CDH17: variants seen among roughly 807,000 people sequenced by gnomAD.
The protein encoded by CDH17 is cadherin 17.
Under a neutral mutation model 86.3 loss-of-function variants are expected in CDH17, and 67 were observed. The ratio of observed to expected loss-of-function variants is 0.78; its 90% confidence interval spans 0.64 to 0.95. CDH17 has a LOEUF of 0.95. Ranked by LOEUF, CDH17 falls within the 40% of genes least tolerant of loss-of-function variation. The pLI is 0.00. For missense variants in CDH17, 993 were observed against 1,017.6 expected (o/e 0.98, Z 0.33); for synonymous variants, 367 against 366.4 (o/e 1.00, Z -0.02).
chr8:94,179,878 G>T lies in CDH17; in HGVS notation c.151-2157C>A, dbSNP rs528244553. ...AGAAAGATATATGATTTCTAGAGTT[G>T]CCACATCACATTATTTAAAATGTTT... On this transcript the variant is annotated intron_variant, in intron 3 of 17. Coordinates refer to ENST00000027335, the MANE Select transcript of CDH17 (RefSeq NM_004063.4). 5.3e-5 allele frequency among the ~76,000 whole-genome samples: 8 copies of T among 152,218 alleles called. No individual in the cohort carries two copies. In the South Asian group the frequency reaches 1.7e-3, roughly 32 times the overall value.
chr8:94,189,315 CT>C (rs1813641718), intron 2 of CDH17, 30 bp from the exon 3 acceptor site: 2 of 1,502,664 alleles, frequency 1.3e-6, no homozygotes, highest in Non-Finnish European at 1.8e-6. Context: ...AAATTAGCAT[CT>C]TGTATGAAGT....
Position 94,165,955 on chromosome 8 carries a change from G to T in CDH17, c.1088C>A (p.Thr363Asn), listed in dbSNP as rs1344947174. 1 of 1,612,948 alleles carries T rather than the reference G, an allele frequency of 6.2e-7. No individual in the cohort carries two copies. The highest frequency in any genetic ancestry group is 1.1e-5 in the South Asian group (1 of 91,034). Residue 363 changes from threonine to asparagine, a missense_variant, in exon 10 of 18, where the codon ACT (threonine) becomes AAT (asparagine). Transcript: ENST00000027335. Reference protein sequence around the residue: ...ERLGNSIGTLTAHDRDEENTA... With the variant: ...ERLGNSIGTLNAHDRDEENTA... ...ATTTTCTTCATCCCTGTCATGTGCA[G>T]TAAGGGTCCCGATACTGTTACCTAT...
In CDH17 at chr8:94,189,285, C is replaced by T. The variant is rs370041892; in HGVS notation, c.52G>A (p.Ala18Thr). ...HSLCLLMLYL[A>T]TGYGQEGKFS... is the part of the protein sequence containing the mutation. ...TTCCCCTCTTGGCCATATCCAGTTG[C>T]CTGTTAAAAAAGAAAGAGAAAATTA... is the stretch of plus-strand genomic sequence containing the variant. The change falls in exon 3 of 18, where the codon GCA (alanine) becomes ACA (threonine). Residue 18 changes from alanine to threonine, a missense_variant and splice_region_variant. By Grantham distance (58) the Ala-to-Thr change is moderately conservative (BLOSUM62 0). Coordinates refer to ENST00000027335, the MANE Select transcript of CDH17 (RefSeq NM_004063.4). 6.3e-7 allele frequency: 1 copy of T among 1,597,318 alleles called. No individual in the cohort carries two copies. The highest frequency in any genetic ancestry group is 8.5e-7 in the Non-Finnish European group (1 of 1,174,724).
rs569902832 is a variant in CDH17, at chr8:94,158,178, T to C, written c.1551+1793A>G. On this transcript the variant is annotated intron_variant, in intron 12 of 17. Transcript: ENST00000027335. The stretch of plus-strand genomic sequence containing the variant: ...ATAATTGTATATGGGACAGAATTCA[T>C]TTATTCATTAAGTCAAGCAATATTT... 2.7e-4 allele frequency among the ~76,000 whole-genome samples: 41 copies of C among 152,286 alleles called. No homozygotes were observed. In the South Asian group the frequency reaches 8.1e-3, roughly 30 times the overall value.
At position 94,174,177 on chromosome 8, in the gene CDH17, G is replaced by A; in HGVS notation, c.508C>T (p.Gln170Ter). The change falls in exon 6 of 18, where the codon CAG (glutamine) becomes TAG (stop). Residue 170 changes from glutamine (Q) to a stop codon, truncating the protein, a stop_gained. Transcript: ENST00000027335. LOFTEE classifies it high-confidence loss of function. ...ATGACATTGTTGATCATGGGAAGCT[G>A]GATGACAATCTGGTAATAAAGCTGG... ...NGQLYYQIVI[Q>*]LPMINNVMYF... 1 of 1,613,570 alleles carries A rather than the reference G, an allele frequency of 6.2e-7. No homozygotes were observed. The highest frequency in any genetic ancestry group is 8.5e-7 in the Non-Finnish European group (1 of 1,179,684).
chr8:94,146,494 T>C (rs2130593150), intron 14 of CDH17, among the ~76,000 whole-genome samples: 1 of 152,382 alleles, frequency 6.6e-6, no homozygotes, highest in Admixed American at 6.5e-5. Flanking sequence ...CTTCACTTGC[T>C]CTTTAGCAGG....
upstream of CDH17, among the ~76,000 whole-genome samples, chr8:94,211,078 C>T (rs1489445957): frequency 1.3e-5 from 2 of 151,066 alleles, no homozygotes; most frequent in Admixed American, 6.6e-5. Context: ...TGGGCTAATG[C>T]TTTCAACTCA....
intron 15 of CDH17, among the ~76,000 whole-genome samples, chr8:94,135,375 C>T (rs1443497661): frequency 1.3e-5 from 2 of 152,184 alleles, no homozygotes. Context: ...GGATAGTTAG[C>T]TCTTCTTGTT....
At position 94,146,999 on chromosome 8, in the gene CDH17, G is replaced by A. The variant is rs1812756813; in HGVS notation, c.1928-832C>T. 2.0e-5 allele frequency among the ~76,000 whole-genome samples: 3 copies of A among 152,070 alleles called. No homozygotes were observed. The South Asian group carries it at 6.2e-4, about 31-fold the overall frequency. On this transcript the variant is annotated intron_variant, in intron 14 of 17. Transcript: ENST00000027335. ...TCCATGGCTATACTTAACCAAAGAA[G>A]AAAAGGCCACTGTGTTCTCGAAGTT... is the stretch of plus-strand genomic sequence containing the variant.
chr8:94,168,362 C>T (rs1452545984), intron 9 of CDH17, among the ~76,000 whole-genome samples: 1 of 146,842 alleles, frequency 6.8e-6, no homozygotes, highest in East Asian at 2.1e-4. Context: ...TGGTCTCGAA[C>T]TCCTGGCCTC....
intron 15 of CDH17, among the ~76,000 whole-genome samples, chr8:94,144,146 A>C (rs1812689818): frequency 6.6e-6 from 1 of 152,278 alleles, no homozygotes; most frequent in African/African-American, 2.4e-5. Context: ...TAATTGGCCT[A>C]ATTTCAATAT....
Position 94,173,663 on chromosome 8 carries a change from T to C in CDH17, c.783+134A>G, listed in dbSNP as rs570511051. 4 of 724,050 alleles carry C rather than the reference T, an allele frequency of 5.5e-6. No individual in the cohort carries two copies. The African/African-American group carries it at 7.0e-5, about 13-fold the overall frequency. 44.9% of individuals were successfully genotyped at this position (724,050 alleles called of 1,614,324 possible). A position where few individuals can be genotyped will look rare whatever the true frequency, so the allele number is the denominator to read the frequency against. On this transcript the variant is annotated intron_variant, in intron 7 of 17. Transcript: ENST00000027335. ...TCCAGTGACTCGGGGCCAGAGGCTA[T>C]ATAATTTGCTTTATAATCATGCTAT...
Position 94,194,685 on chromosome 8 carries a change from TA to T in CDH17, c.-1del. On this transcript the variant is annotated 5_prime_UTR_variant, in exon 2 of 18. Coordinates refer to ENST00000027335, the MANE Select transcript of CDH17 (RefSeq NM_004063.4). ...GAGTGAAGATGGGCCTGAAGTATCA[TA>T]GTTTTCTTTATTCAAATTCCTGTGA... 13 of 1,599,068 alleles carry T rather than the reference TA, an allele frequency of 8.1e-6. No individual in the cohort carries two copies. Among genetic ancestry groups the T allele is most frequent in the Non-Finnish European group, 1.1e-5 (13 of 1,170,668 alleles).
At chr8:94,186,909 CT>C (rs1813592339) in intron 3 of CDH17, among the ~76,000 whole-genome samples, 1 of 152,178 alleles carries the variant, frequency 6.6e-6, no homozygotes, top group African/African-American at 2.4e-5. Context: ...TGACTGCATC[CT>C]GTCTCCCACT....
In CDH17 at chr8:94,148,541, C is replaced by CAAA. The variant is rs59942237; in HGVS notation, c.1927+200_1927+202dup. Among the ~76,000 whole-genome samples, 36 of 29,202 alleles carry CAAA rather than the reference C, an allele frequency of 1.2e-3. 2 individuals are homozygous for CAAA. Among genetic ancestry groups the CAAA allele is most frequent in the African/African-American group, 1.9e-3 (19 of 10,026 alleles). The allele number at this position is 29,202 out of a possible 152,430, so 19.2% of individuals were successfully genotyped here. ...TGGGCAACAGAGCAAGACTCCATCTCAAAAAAAAAAAAAAAAAAAAAAAAA... is the reference window on the plus strand; with the variant it reads ...TGGGCAACAGAGCAAGACTCCATCTCAAAAAAAAAAAAAAAAAAAAAAAAAAAA... On this transcript the variant is annotated intron_variant, in intron 14 of 17. Coordinates refer to ENST00000027335, the MANE Select transcript of CDH17 (RefSeq NM_004063.4).
intron 5 of CDH17, among the ~76,000 whole-genome samples, chr8:94,175,698 G>A (rs771988707): frequency 4.6e-5 from 7 of 152,070 alleles, no homozygotes; most frequent in African/African-American, 7.2e-5. Flanking sequence ...TTGTGGAAGT[G>A]AAAGGTAGAA....
In CDH17 at chr8:94,140,209, C is replaced by T. The variant is rs142446391; in HGVS notation, c.2167+5719G>A. Reference sequence around the variant, plus strand: ...GGCTGAGGTGGGAGGCTCACTTGAACCCAGGAGTTTGAGACAAGCCAGAGC... The same window carrying T: ...GGCTGAGGTGGGAGGCTCACTTGAATCCAGGAGTTTGAGACAAGCCAGAGC... On this transcript the variant is annotated intron_variant, in intron 15 of 17. Coordinates refer to ENST00000027335, the MANE Select transcript of CDH17 (RefSeq NM_004063.4). Among the ~76,000 whole-genome samples the T allele has an allele frequency of 5.3e-5, 8 of 152,174 alleles. No individual in the cohort carries two copies. The East Asian group carries it at 1.5e-3, about 29-fold the overall frequency.
At chr8:94,171,108 A>G in intron 7 of CDH17, 123 bp from the exon 8 acceptor site, 2 of 992,212 alleles carry the variant, frequency 2.0e-6, no homozygotes, top group East Asian at 2.7e-5. Context: ...GGTTTCTTGT[A>G]ACAACTGAAT....
chr8:94,161,602 G>A (rs1229580052), intron 11 of CDH17, among the ~76,000 whole-genome samples: 1 of 151,878 alleles, frequency 6.6e-6, no homozygotes, highest in African/African-American at 2.4e-5. Context: ...AAATGTCTTG[G>A]GCACATTTTT....
Sources: gnomAD v4.1 joint callset for allele counts (sites outside exome capture counted in the v4.1 genomes callset) on GRCh38, gnomAD v4.1.1 for gene constraint, MANE v1.5 for transcripts, NCBI Gene and HGNC (gene_info 2026-07-23, HGNC 2026-07-21) for gene names.